The following SCMH1 variants were observed in gnomAD, a reference collection of about 807,000 sequenced individuals.
The protein encoded by SCMH1 is polycomb protein SCMH1.
SCMH1 carries 37 observed loss-of-function variants against 70.8 expected under a neutral mutation model. That is an observed-to-expected ratio of 0.52 (90% confidence interval 0.40 to 0.69). The LOEUF is 0.69. Among genes scored for constraint, SCMH1 ranks in the 30% least tolerant of loss-of-function variants. The pLI, the probability that SCMH1 is intolerant of heterozygous loss-of-function variation, is 0.00. For missense variants in SCMH1, 607 were observed against 827.3 expected, an observed-to-expected ratio of 0.73 and a Z score of 3.27; for synonymous variants, 292 against 307.4, an observed-to-expected ratio of 0.95 and a Z score of 0.52.
At chr1:41,106,905 G>A (rs768408319) in intron 8 of SCMH1, among the ~76,000 whole-genome samples, 1 of 151,726 alleles carries the variant, frequency 6.6e-6, no homozygotes, top group Non-Finnish European at 1.5e-5. Context: ...GGTCAGGCTG[G>A]TCGCTAACTC....
At chr1:41,227,437 T>C (rs967899199) in intron 1 of SCMH1, among the ~76,000 whole-genome samples, 1 of 152,244 alleles carries the variant, frequency 6.6e-6, no homozygotes, top group African/African-American at 2.4e-5. Flanking sequence ...AAGGAAATTC[T>C]GACACACGCT....
chr1:41,039,538 CA>C (rs1269758882), intron 12 of SCMH1, among the ~76,000 whole-genome samples: 1 of 151,532 alleles, frequency 6.6e-6, no homozygotes, highest in Non-Finnish European at 1.5e-5. Flanking sequence ...TACAGTGGCA[CA>C]ACTCACTGCA....
At chr1:41,085,877 G>T (rs1280705815) in intron 8 of SCMH1, among the ~76,000 whole-genome samples, 1 of 116,344 alleles carries the variant, frequency 8.6e-6, no homozygotes, top group Non-Finnish European at 1.6e-5. Flanking sequence ...GTCTTGCTCT[G>T]TTGCCCAGGC....
chr1:41,196,021 T>G (rs1481181122), intron 1 of SCMH1, among the ~76,000 whole-genome samples: 1 of 152,116 alleles, frequency 6.6e-6, no homozygotes, highest in Non-Finnish European at 1.5e-5. Flanking sequence ...GCTAAAGACT[T>G]GTACACTGAA....
At chr1:41,049,698 T>C (rs113157208) in intron 10 of SCMH1, among the ~76,000 whole-genome samples, 11,647 of 142,780 alleles carry the variant, frequency 0.082, 594 homozygotes, top group South Asian at 0.13. Context: ...ACCTGGAAGG[T>C]GGAGCTTGCA....
chr1:41,223,892 T>C (rs949887098), intron 1 of SCMH1, among the ~76,000 whole-genome samples: 1 of 152,108 alleles, frequency 6.6e-6, no homozygotes, highest in African/African-American at 2.4e-5. Context: ...TGTTTTCTGC[T>C]CAAAACCCTT....
chr1:41,172,181 T>C (rs546427393), intron 2 of SCMH1, among the ~76,000 whole-genome samples: 1 of 115,872 alleles, frequency 8.6e-6, no homozygotes, highest in Non-Finnish European at 1.8e-5. Context: ...CGAGACTCCA[T>C]CTCAAAAAAA....
chr1:41,159,329 C>A (rs1203798307), intron 4 of SCMH1, among the ~76,000 whole-genome samples: 1 of 152,144 alleles, frequency 6.6e-6, no homozygotes, highest in Non-Finnish European at 1.5e-5. Flanking sequence ...CACAACTCCC[C>A]ATCAACAGTT....
At chr1:41,083,171 G>C (rs1478195739) in intron 8 of SCMH1, among the ~76,000 whole-genome samples, 2 of 152,188 alleles carry the variant, frequency 1.3e-5, no homozygotes, top group Non-Finnish European at 2.9e-5. Context: ...ATTAGGAAAA[G>C]AGGAAGTCAA....
intron 1 of SCMH1, among the ~76,000 whole-genome samples, chr1:41,193,628 T>C (rs1017944752): frequency 5.9e-5 from 9 of 152,064 alleles, no homozygotes; most frequent in African/African-American, 2.2e-4. Context: ...TTATGTGGAA[T>C]TGAACATAGA....
chr1:41,155,446 TC>T (rs1645432169), intron 4 of SCMH1, among the ~76,000 whole-genome samples: 1 of 150,420 alleles, frequency 6.6e-6, no homozygotes. Flanking sequence ...AATGTTTTGC[TC>T]CACATGGAGC....
At position 41,197,699 on chromosome 1, in the gene SCMH1, A is replaced by G. The variant is rs545572720; in HGVS notation, c.-117-11449T>C. 6.6e-5 allele frequency among the ~76,000 whole-genome samples: 10 copies of G among 152,264 alleles called. No individual in the cohort carries two copies. In the East Asian group the frequency reaches 1.9e-3, roughly 29 times the overall value. The stretch of plus-strand genomic sequence containing the variant: ...TTATGTATATTTTGCCACAATTAAA[A>G]AAAAACAGGCAACAGGTGGATGTGC... On this transcript the variant is annotated intron_variant, in intron 1 of 14. Coordinates refer to ENST00000337495, the Ensembl canonical transcript of SCMH1.
chr1:41,179,178 T>C (rs1012097447), intron 2 of SCMH1, among the ~76,000 whole-genome samples: 4 of 152,250 alleles, frequency 2.6e-5, no homozygotes, highest in Non-Finnish European at 5.9e-5. Flanking sequence ...AGATGTTCTT[T>C]GAAACCAACG....
intron 4 of SCMH1, among the ~76,000 whole-genome samples, chr1:41,152,053 C>A (rs1255577578): frequency 6.6e-6 from 1 of 152,164 alleles, no homozygotes; most frequent in Admixed American, 6.5e-5. Flanking sequence ...AACAATCTGA[C>A]TCTTGGAAAG....
intron 1 of SCMH1, among the ~76,000 whole-genome samples, chr1:41,214,996 A>G (rs1354041203): frequency 3.3e-5 from 5 of 152,216 alleles, no homozygotes; most frequent in African/African-American, 9.6e-5. Flanking sequence ...GAAATATAAC[A>G]GCTAGCATTT....
chr1:41,196,270 A>G (rs1652994741), intron 1 of SCMH1, among the ~76,000 whole-genome samples: 2 of 152,284 alleles, frequency 1.3e-5, no homozygotes, highest in East Asian at 1.9e-4. Flanking sequence ...ACAATCTTGA[A>G]AAAAAGAACA....
chr1:41,111,472 T>C (rs1184063545), intron 8 of SCMH1, among the ~76,000 whole-genome samples: 2 of 152,198 alleles, frequency 1.3e-5, no homozygotes, highest in African/African-American at 2.4e-5. Flanking sequence ...CCTGAGTAGC[T>C]GAGATTACAG....
At chr1:41,096,475 A>G (rs1043483310) in intron 8 of SCMH1, among the ~76,000 whole-genome samples, 1 of 152,222 alleles carries the variant, frequency 6.6e-6, no homozygotes, top group Non-Finnish European at 1.5e-5. Flanking sequence ...TAACAATTGA[A>G]GAGATCAGTC....
chr1:41,091,486 G>A (rs571314370), intron 8 of SCMH1, among the ~76,000 whole-genome samples: 2 of 152,292 alleles, frequency 1.3e-5, no homozygotes, highest in South Asian at 4.1e-4. Flanking sequence ...AAGAAGGGAA[G>A]CCCTCTCTCA....
Sources: gnomAD v4.1 joint callset for allele counts (sites outside exome capture counted in the v4.1 genomes callset) on GRCh38, gnomAD v4.1.1 for gene constraint, MANE v1.5 for transcripts, NCBI Gene and HGNC (gene_info 2026-07-23, HGNC 2026-07-21) for gene names.